Variants in KLHDC1 observed in about 807,000 individuals in gnomAD.
KLHDC1 encodes kelch domain containing 1.
Under a neutral mutation model 68.3 loss-of-function variants are expected in KLHDC1, and 53 were observed. The observed-to-expected ratio is 0.78, with a 90% CI of 0.62 to 0.98. KLHDC1 has a LOEUF of 0.98. Ranked by LOEUF, KLHDC1 falls within the 50% of genes least tolerant of loss-of-function variation. The pLI is 0.00. For missense variants in KLHDC1, 470 were observed against 492.3 expected, an observed-to-expected ratio of 0.95 and a Z score of 0.43; for synonymous variants, 148 against 159.0, an observed-to-expected ratio of 0.93 and a Z score of 0.52.
At chr14:49,727,386 G>A (rs1888698203) in intron 6 of KLHDC1, among the ~76,000 whole-genome samples, 1 of 152,130 alleles carries the variant, frequency 6.6e-6, no homozygotes, top group South Asian at 2.1e-4. Flanking sequence ...GGAACAGGAG[G>A]CTATTGTGAC....
At chr14:49,734,711 A>T in intron 10 of KLHDC1, 50 bp downstream of exon 10, 1 of 1,034,148 alleles carries the variant, frequency 9.7e-7, no homozygotes, top group Non-Finnish European at 1.5e-6. Flanking sequence ...TTTTTAAAGT[A>T]TTAAAATATA....
intron 1 of KLHDC1, among the ~76,000 whole-genome samples, chr14:49,702,799 C>A (rs1036700802): frequency 6.6e-6 from 1 of 152,198 alleles, no homozygotes; most frequent in African/African-American, 2.4e-5. Context: ...TTAGATGAAT[C>A]TGTGCTAGAT....
At chr14:49,724,758 AT>A (rs954242833) in intron 5 of KLHDC1, among the ~76,000 whole-genome samples, 1 of 151,430 alleles carries the variant, frequency 6.6e-6, no homozygotes, top group African/African-American at 2.4e-5. Flanking sequence ...AAATAACTCA[AT>A]TTTTTTCTCC....
At chr14:49,732,663 A>T (rs564849224) in intron 8 of KLHDC1, 41 bp from the exon 9 acceptor site, 32 of 1,021,088 alleles carry the variant, frequency 3.1e-5, no homozygotes, top group Non-Finnish European at 4.3e-5. Context: ...TTTTATTTTG[A>T]TTAATATAGT....
At chr14:49,712,556 C>T (rs972597625) in intron 4 of KLHDC1, among the ~76,000 whole-genome samples, 5 of 148,336 alleles carry the variant, frequency 3.4e-5, no homozygotes, top group African/African-American at 1.0e-4. Flanking sequence ...GGATGAAGTG[C>T]AGTGGTGGAA....
intron 8 of KLHDC1, 65 bp from the exon 9 acceptor site, chr14:49,732,639 G>T: frequency 1.3e-6 from 1 of 779,796 alleles, no homozygotes; most frequent in Non-Finnish European, 2.1e-6. Context: ...TAAGATCTAA[G>T]ATGATTAAAA....
At chr14:49,728,033 C>A (rs1888714472) in intron 6 of KLHDC1, among the ~76,000 whole-genome samples, 1 of 152,114 alleles carries the variant, frequency 6.6e-6, no homozygotes, top group Non-Finnish European at 1.5e-5. Context: ...CAATTAAAAA[C>A]CTCCCTAGGG....
chr14:49,729,525 A>G lies in KLHDC1; in HGVS notation c.687A>G (p.Leu229=), dbSNP rs754259751. 1.6e-5 allele frequency: 25 copies of G among 1,610,498 alleles called. No homozygotes were observed. The East Asian group carries it at 5.6e-4, about 36-fold the overall frequency. ...TGAATGATTTGCACTATCTAAACCT[A>G]GACACCTGGACTTGGTCTGGAAGGT... ...TRMNDLHYLN[L]DTWTWSGRIT... is the part of the protein sequence containing the mutation. The change falls in exon 8 of 13, where the codon CTA becomes CTG. Residue 229 remains leucine (L), a synonymous_variant. Transcript: ENST00000359332.
In KLHDC1 at chr14:49,728,977, A is replaced by T. The variant is rs777447811; in HGVS notation, c.619A>T (p.Asn207Tyr). The change falls in exon 7 of 13, where the codon AAT becomes TAT. Residue 207 changes from asparagine (N) to tyrosine (Y), a missense_variant. Asn to Tyr is a moderately radical substitution (Grantham distance 143). Coordinates refer to ENST00000359332, the MANE Select transcript of KLHDC1 (RefSeq NM_172193.3). ...RAAHTCAVLG[N>Y]KGYIFGGRVL... Reference sequence around the variant, plus strand: ...CGCGCATACATGTGCAGTTCTTGGAAATAAGGGTTATATCTTTGGCGGACG... The same window carrying T: ...CGCGCATACATGTGCAGTTCTTGGATATAAGGGTTATATCTTTGGCGGACG... 1 of 1,613,746 alleles carries T rather than the reference A, an allele frequency of 6.2e-7. No individual in the cohort carries two copies. Among genetic ancestry groups the T allele is most frequent in the Non-Finnish European group, 8.5e-7 (1 of 1,179,650 alleles).
chr14:49,751,407 C>T lies in KLHDC1; in HGVS notation c.1035-179C>T, dbSNP rs564224547. ...TATGCATTGCCTGTCTGTATCAAAACATCTCATGTACCACATAAATATATG... is the reference window on the plus strand; with the variant it reads ...TATGCATTGCCTGTCTGTATCAAAATATCTCATGTACCACATAAATATATG... On this transcript the variant is annotated intron_variant, in intron 12 of 12. Coordinates refer to ENST00000359332, the MANE Select transcript of KLHDC1 (RefSeq NM_172193.3). 4.6e-5 allele frequency among the ~76,000 whole-genome samples: 7 copies of T among 152,070 alleles called. No individual in the cohort carries two copies. In the East Asian group the frequency reaches 1.4e-3, roughly 29 times the overall value.
intron 4 of KLHDC1, among the ~76,000 whole-genome samples, 175 bp from the exon 5 acceptor site, chr14:49,723,699 G>A (rs1888594995): frequency 6.6e-6 from 1 of 152,100 alleles, no homozygotes; most frequent in South Asian, 2.1e-4. Flanking sequence ...CCCATTGAGA[G>A]CTCATCACTT....
chr14:49,704,109 T>A (rs1034889983), intron 1 of KLHDC1, among the ~76,000 whole-genome samples: 1 of 152,226 alleles, frequency 6.6e-6, no homozygotes, highest in African/African-American at 2.4e-5. Context: ...ACACATTTGG[T>A]ACCATCTGGC....
chr14:49,746,767 G>T (rs1889208192), intron 12 of KLHDC1, among the ~76,000 whole-genome samples: 1 of 152,112 alleles, frequency 6.6e-6, no homozygotes, highest in South Asian at 2.1e-4. Context: ...TCTGTGTGGA[G>T]AACTCTTTTC....
chr14:49,710,370 A>G lies in KLHDC1; in HGVS notation c.393A>G (p.Val131=), dbSNP rs144134505. Residue 131 remains valine (V), a synonymous_variant, in exon 4 of 13, where the codon GTA becomes GTG. Coordinates refer to ENST00000359332, the MANE Select transcript of KLHDC1 (RefSeq NM_172193.3). ...PTPRDKLSCW[V]YKDRLIYFGG... ...CACGTGATAAACTTTCCTGCTGGGT[A>G]TATAAAGACAGGTAATGCAGCAGTT... is the stretch of plus-strand genomic sequence containing the variant. The G allele has an allele frequency of 3.7e-4, 585 of 1,571,786 alleles. 3 individuals carry two copies. The African/African-American group carries it at 6.6e-3, about 18-fold the overall frequency.
chr14:49,737,548 G>T (rs764606078), intron 10 of KLHDC1, among the ~76,000 whole-genome samples: 1 of 152,060 alleles, frequency 6.6e-6, no homozygotes, highest in Non-Finnish European at 1.5e-5. Context: ...GGTATCTGTT[G>T]CTTCAACAGT....
At chr14:49,714,256 A>G (rs1329135352) in intron 4 of KLHDC1, among the ~76,000 whole-genome samples, 1 of 149,594 alleles carries the variant, frequency 6.7e-6, no homozygotes, top group Non-Finnish European at 1.5e-5. Flanking sequence ...CGCAGATCAC[A>G]CGGTCAGAAG....
At chr14:49,696,015 G>C (rs1023016015) in intron 1 of KLHDC1, among the ~76,000 whole-genome samples, 3 of 150,584 alleles carry the variant, frequency 2.0e-5, no homozygotes, top group Middle Eastern at 6.8e-3. Flanking sequence ...GCAGTGAGCA[G>C]AGATCGCACC....
intron 12 of KLHDC1, among the ~76,000 whole-genome samples, chr14:49,746,548 A>C (rs566799073): frequency 4.1e-4 from 63 of 152,264 alleles, no homozygotes; most frequent in African/African-American, 1.5e-3. Context: ...TTGGATTGAA[A>C]AGCACTGTGG....
chr14:49,716,831 C>T (rs1888390569), intron 4 of KLHDC1, among the ~76,000 whole-genome samples: 2 of 152,120 alleles, frequency 1.3e-5, no homozygotes, highest in Non-Finnish European at 2.9e-5. Flanking sequence ...TTTTTAATTA[C>T]TCCAAACAGA....
Sources: allele counts gnomAD v4.1 joint callset (sites outside exome capture counted in the v4.1 genomes callset), GRCh38; gene constraint gnomAD v4.1.1; transcripts MANE v1.5; gene names NCBI Gene and HGNC (gene_info 2026-07-23, HGNC 2026-07-21).